CSMD2: variants seen among roughly 807,000 people sequenced by gnomAD.
The protein encoded by CSMD2 is CUB and Sushi multiple domains 2.
Under a neutral mutation model 398.5 loss-of-function variants are expected in CSMD2, and 130 were observed. The ratio of observed to expected loss-of-function variants is 0.33; its 90% CI spans 0.28 to 0.38. The LOEUF (loss-of-function observed/expected upper bound fraction) is 0.38. CSMD2 is among the 10% of genes least tolerant of loss of function. The pLI is 1.00. For synonymous variants in CSMD2, 1,828 were observed against 1,908.5 expected, an observed-to-expected ratio of 0.96 and a Z score of 1.10; for missense variants, 3,829 against 4,764.9, an observed-to-expected ratio of 0.80 and a Z score of 5.78.
At chr1:34,124,413 G>A (rs1341161798) in intron 1 of CSMD2, among the ~76,000 whole-genome samples, 1 of 152,140 alleles carries the variant, frequency 6.6e-6, no homozygotes, top group Non-Finnish European at 1.5e-5. Flanking sequence ...CTTGTCTTCT[G>A]GGAGACTGGA....
intron 26 of CSMD2, among the ~76,000 whole-genome samples, chr1:33,660,337 G>A (rs1468725262): frequency 2.0e-5 from 3 of 151,262 alleles, no homozygotes; most frequent in African/African-American, 7.3e-5. Flanking sequence ...CTTTTTTTTT[G>A]TTCTCACTTT....
chr1:33,636,917 C>G lies in CSMD2; in HGVS notation c.4775-363G>C, dbSNP rs1233208317. Among the ~76,000 whole-genome samples, 1 of 152,148 alleles carries G rather than the reference C, an allele frequency of 6.6e-6. No homozygotes were observed. Among genetic ancestry groups the G allele is most frequent in the African/African-American group, 2.4e-5 (1 of 41,420 alleles). On this transcript the variant is annotated intron_variant, in intron 29 of 70. Coordinates refer to ENST00000373381, the MANE Select transcript of CSMD2 (RefSeq NM_001281956.2). The surrounding 1 kb of genome is among the most constrained non-coding windows in gnomAD (Gnocchi z 4.8). ...GGGGCTGACAGTCCCTGGACCACAT[C>G]TCAGCTGCCGGCAGGGTCACTGTGG...
At chr1:33,798,611 C>T (rs1655228768) in intron 10 of CSMD2, among the ~76,000 whole-genome samples, 1 of 152,154 alleles carries the variant, frequency 6.6e-6, no homozygotes, top group African/African-American at 2.4e-5. Flanking sequence ...GGGATTTTAC[C>T]CACAGCCAGA....
At chr1:34,094,383 G>A (rs1659020930) in intron 1 of CSMD2, among the ~76,000 whole-genome samples, 1 of 151,562 alleles carries the variant, frequency 6.6e-6, no homozygotes, top group African/African-American at 2.4e-5. Flanking sequence ...ACATCATCAT[G>A]ACAGGATCAA....
chr1:34,072,934 C>G (rs1278178209), intron 2 of CSMD2, among the ~76,000 whole-genome samples: 1 of 152,150 alleles, frequency 6.6e-6, no homozygotes, highest in Non-Finnish European at 1.5e-5. Context: ...TCCATAACCC[C>G]CTTCGGTGCT....
chr1:34,083,552 A>G (rs1473483726), intron 2 of CSMD2, among the ~76,000 whole-genome samples: 1 of 152,226 alleles, frequency 6.6e-6, no homozygotes, highest in Non-Finnish European at 1.5e-5. Context: ...GACATAACTA[A>G]GTTTGCTACA....
intron 5 of CSMD2, among the ~76,000 whole-genome samples, chr1:33,850,748 CA>C (rs200649894): frequency 0.083 from 4,608 of 55,306 alleles, 247 homozygotes; most frequent in African/African-American, 0.37. Flanking sequence ...CAATTACACT[CA>C]ATTTTTTTTT....
intron 1 of CSMD2, among the ~76,000 whole-genome samples, chr1:34,111,254 G>A (rs1489921908): frequency 2.0e-5 from 3 of 152,122 alleles, no homozygotes; most frequent in Non-Finnish European, 4.4e-5. Context: ...ACTCCCTAAA[G>A]GCCTAGGAAA....
intron 28 of CSMD2, 46 bp from the exon 29 acceptor site, chr1:33,646,881 A>C: frequency 1.3e-6 from 2 of 1,554,304 alleles, no homozygotes; most frequent in Non-Finnish European, 1.7e-6. Flanking sequence ...AGGTCAAATA[A>C]AGGCTTTTGC....
rs1642589329 is a variant in CSMD2, at chr1:33,633,417, GA to G, written c.5200+4del. Reference sequence around the variant, plus strand: ...CCATCCCCACACTGGCCGAGCCCCGGATACCTGTATGGGAGCCCGAGAGGGA... The same window carrying G: ...CCATCCCCACACTGGCCGAGCCCCGGTACCTGTATGGGAGCCCGAGAGGGA... On this transcript the variant is annotated splice_donor_region_variant and intron_variant, in intron 32 of 70. Coordinates refer to ENST00000373381, the MANE Select transcript of CSMD2 (RefSeq NM_001281956.2). This position sits in a 1 kb window ranked among gnomAD's most constrained non-coding sequence, Gnocchi z 5.0. 6 of 1,548,668 alleles carry G rather than the reference GA, an allele frequency of 3.9e-6. No homozygotes were observed. In the East Asian group the frequency reaches 1.5e-4, roughly 38 times the overall value.
In CSMD2 at chr1:33,531,795, A is replaced by C. The variant is rs144067966; in HGVS notation, c.10171+1255T>G. 1.2e-3 allele frequency among the ~76,000 whole-genome samples: 180 copies of C among 152,342 alleles called. 5 individuals carry two copies. The highest frequency in any genetic ancestry group is 4.3e-3 in the African/African-American group (177 of 41,570). On this transcript the variant is annotated intron_variant, in intron 64 of 70. Transcript: ENST00000373381. ...TTACAGAAGCAGGAAGTATGATAGC[A>C]GTTACTATGGGCTAAGAGAAGGGGG...
intron 3 of CSMD2, among the ~76,000 whole-genome samples, chr1:33,995,516 G>A (rs1041245740): frequency 1.3e-5 from 2 of 152,276 alleles, no homozygotes; most frequent in East Asian, 3.9e-4. Context: ...CCTGCTTCTG[G>A]GATATGGTCT....
intron 15 of CSMD2, among the ~76,000 whole-genome samples, chr1:33,727,371 A>G: frequency 6.6e-6 from 1 of 152,264 alleles, no homozygotes; most frequent in East Asian, 1.9e-4. Context: ...CTCTGTCCAC[A>G]TGTCCCATCC....
chr1:34,101,606 C>T (rs531032085), intron 1 of CSMD2, among the ~76,000 whole-genome samples: 250 of 152,270 alleles, frequency 1.6e-3, no homozygotes, highest in South Asian at 0.013. Context: ...TCTCATTTTA[C>T]TTAGTGATGT....
At chr1:33,554,445 G>A (rs972004163) in intron 55 of CSMD2, among the ~76,000 whole-genome samples, 4 of 151,872 alleles carry the variant, frequency 2.6e-5, no homozygotes, top group Non-Finnish European at 4.4e-5. Flanking sequence ...CACCTGCCTC[G>A]GCCTCCCAAA....
chr1:33,806,169 G>A (rs2124943405), intron 10 of CSMD2, among the ~76,000 whole-genome samples: 1 of 152,290 alleles, frequency 6.6e-6, no homozygotes, highest in South Asian at 2.1e-4. Context: ...GTGTGAAGGT[G>A]AATTAGAAAT....
At chr1:33,731,028 T>C (rs1014873320) in intron 15 of CSMD2, among the ~76,000 whole-genome samples, 4 of 152,180 alleles carry the variant, frequency 2.6e-5, no homozygotes, top group Non-Finnish European at 5.9e-5. Flanking sequence ...ATGTACAAGA[T>C]GATGTTAGGC....
At chr1:33,544,364 G>T (rs1208932494) in intron 57 of CSMD2, among the ~76,000 whole-genome samples, 1 of 149,406 alleles carries the variant, frequency 6.7e-6, no homozygotes, top group South Asian at 2.1e-4. Context: ...TGATCCACCC[G>T]CCTCGGCCTC....
intron 44 of CSMD2, chr1:33,592,624 T>C: frequency 1.5e-6 from 1 of 661,470 alleles, no homozygotes; most frequent in South Asian, 1.7e-5. Flanking sequence ...GGCATCTTTC[T>C]GCAACCTTCC....
Sources: allele counts gnomAD v4.1 joint callset (sites outside exome capture counted in the v4.1 genomes callset), GRCh38; gene constraint gnomAD v4.1.1; non-coding constraint Gnocchi (gnomAD v3.1); transcripts MANE v1.5; gene names NCBI Gene and HGNC (gene_info 2026-07-23, HGNC 2026-07-21).